Variants in ZP3 observed in about 807,000 individuals in gnomAD.
The protein encoded by ZP3 is zona pellucida glycoprotein 3, also known as zona pellucida sperm-binding protein 3.
ZP3 carries 21 observed loss-of-function variants against 35.6 expected under a neutral mutation model. That is an observed-to-expected ratio of 0.59 (90% CI 0.42 to 0.85). The LOEUF (loss-of-function observed/expected upper bound fraction) is 0.85. Ranked by LOEUF, ZP3 falls within the 40% of genes least tolerant of loss-of-function variation. The probability of loss-of-function intolerance (pLI) is 0.00; values close to 1 mark genes in which losing one functional copy is unlikely to be tolerated. For synonymous variants in ZP3, 207 were observed against 214.5 expected, an observed-to-expected ratio of 0.96 and a Z score of 0.31; for missense variants, 437 against 536.5, an observed-to-expected ratio of 0.81 and a Z score of 1.83.
upstream of ZP3, among the ~76,000 whole-genome samples, chr7:76,423,067 G>C (rs138053246): frequency 3.9e-3 from 560 of 143,452 alleles, 18 homozygotes; most frequent in Middle Eastern, 0.014. Flanking sequence ...AAGAAAGAAA[G>C]AAAGAAAGAA....
intron 1 of ZP3, among the ~76,000 whole-genome samples, chr7:76,427,283 G>A (rs1363970937): frequency 2.6e-5 from 4 of 152,120 alleles, no homozygotes; most frequent in South Asian, 2.1e-4. Context: ...TTGGGAGGCC[G>A]AGGCGGGTGA....
chr7:76,438,872 G>A (rs1305205787), intron 5 of ZP3, among the ~76,000 whole-genome samples: 3 of 122,996 alleles, frequency 2.4e-5, no homozygotes, highest in Admixed American at 9.1e-5. Context: ...AGTGGCTCAC[G>A]CCTGTAATCC....
intron 1 of ZP3, among the ~76,000 whole-genome samples, chr7:76,419,348 A>G (rs1343378530): frequency 6.6e-6 from 1 of 152,132 alleles, no homozygotes; most frequent in Admixed American, 6.6e-5. Context: ...TCTATCTAGA[A>G]TTCATTTTTA....
At chr7:76,398,968 A>G (rs564874173) in intron 1 of ZP3, among the ~76,000 whole-genome samples, 1 of 152,316 alleles carries the variant, frequency 6.6e-6, no homozygotes, top group South Asian at 2.1e-4. Flanking sequence ...GGTCCACACC[A>G]GAGTCCTGGA....
Position 76,414,057 on chromosome 7 carries a change from C to T in ZP3, c.-66-10995C>T, listed in dbSNP as rs1000484199. On this transcript the variant is annotated intron_variant, in intron 1 of 8. Coordinates refer to the ZP3 transcript ENST00000336517. ...TGTCACCCAGGCTGGAGTGCAGTGG[C>T]GTGATCTCAGCTCGCTGCAACCTCC... Among the ~76,000 whole-genome samples the T allele has an allele frequency of 3.4e-5, 5 of 148,178 alleles. No individual in the cohort carries two copies. The Admixed American group carries it at 3.4e-4, about 10-fold the overall frequency.
intron 1 of ZP3, among the ~76,000 whole-genome samples, chr7:76,399,976 G>A (rs1804762233): frequency 6.6e-6 from 1 of 152,256 alleles, no homozygotes; most frequent in Admixed American, 6.5e-5. Flanking sequence ...GGACCAAACA[G>A]TGAGACCTCA....
intron 1 of ZP3, among the ~76,000 whole-genome samples, chr7:76,413,998 CT>C (rs113488466): frequency 0.48 from 61,384 of 128,482 alleles, 13,547 homozygotes; most frequent in Middle Eastern, 0.55. Flanking sequence ...CCTTCTTCTT[CT>C]TTTTTTTTTT....
At position 76,398,894 on chromosome 7, in the gene ZP3, T is replaced by C. The variant is rs967529095; in HGVS notation, c.-67+1097T>C. The C allele has an allele frequency of 3.9e-6, 5 of 1,265,894 alleles. No individual in the cohort carries two copies. In the Admixed American group the frequency reaches 6.1e-5, roughly 15 times the overall value. 78.4% of individuals were successfully genotyped at this position (1,265,894 alleles called of 1,614,324 possible). On this transcript the variant is annotated intron_variant, in intron 1 of 8. Transcript: ENST00000336517. ...CAGGAGGATGGACCCATAAGGTGCT[T>C]GCCGCCAGAGCCTCTGGCCACACAA... is the stretch of plus-strand genomic sequence containing the variant.
chr7:76,436,048 T>TCCC lies in ZP3; in HGVS notation c.831+1893_831+1894insCCC, dbSNP rs1805995942. The stretch of plus-strand genomic sequence containing the variant: ...CCGCCCCCTTTTTTTTTTTTTTTTT[T>TCCC]TTTTTTTTTTTTTTTTTTTTTTTTT... On this transcript the variant is annotated intron_variant, in intron 5 of 7. Coordinates refer to ENST00000394857, the MANE Select transcript of ZP3 (RefSeq NM_001110354.2). Among the ~76,000 whole-genome samples, 377 of 43,070 alleles carry TCCC rather than the reference T, an allele frequency of 8.8e-3. 15 individuals are homozygous for TCCC. The highest frequency in any genetic ancestry group is 0.043 in the African/African-American group (333 of 7,824). 28.3% of individuals were successfully genotyped at this position (43,070 alleles called of 152,430 possible).
chr7:76,404,090 C>T (rs1804920206), intron 1 of ZP3, among the ~76,000 whole-genome samples: 1 of 152,142 alleles, frequency 6.6e-6, no homozygotes, highest in Non-Finnish European at 1.5e-5. Flanking sequence ...CCTAACTGCC[C>T]ATTCCATGGG....
In ZP3 at chr7:76,437,292, A is replaced by C. The variant is rs1198125114; in HGVS notation, c.832-2958A>C. ...CTTATTCAAGCCATTCTCCTGCCTCAGCCTCCCTAATAGTTGGAATTATAG... is the reference window on the plus strand; with the variant it reads ...CTTATTCAAGCCATTCTCCTGCCTCCGCCTCCCTAATAGTTGGAATTATAG... On this transcript the variant is annotated intron_variant, in intron 5 of 7. Coordinates refer to ENST00000394857, the MANE Select transcript of ZP3 (RefSeq NM_001110354.2). Among the ~76,000 whole-genome samples the C allele has an allele frequency of 3.4e-5, 5 of 148,392 alleles. No individual in the cohort carries two copies. In the Admixed American group the frequency reaches 3.5e-4, roughly 10 times the overall value.
intron 1 of ZP3, among the ~76,000 whole-genome samples, chr7:76,407,844 C>CT: frequency 6.6e-6 from 1 of 152,194 alleles, no homozygotes; most frequent in East Asian, 1.9e-4. Context: ...TTCTTGCAGA[C>CT]TTTTAGCAAG....
intron 1 of ZP3, chr7:76,397,828 C>T (rs1804691770): frequency 1.3e-6 from 2 of 1,570,438 alleles, no homozygotes; most frequent in Non-Finnish European, 1.7e-6. Flanking sequence ...GTACGCTGCC[C>T]TCACCTGGGG....
At chr7:76,405,310 TA>T (rs60048787) in intron 1 of ZP3, among the ~76,000 whole-genome samples, 11 of 66,448 alleles carry the variant, frequency 1.7e-4, no homozygotes, top group East Asian at 1.1e-3. Context: ...TATATATATA[TA>T]TATATGTATT....
chr7:76,405,153 G>C (rs538499461), intron 1 of ZP3, among the ~76,000 whole-genome samples: 64 of 143,490 alleles, frequency 4.5e-4, no homozygotes, highest in South Asian at 7.0e-4. Flanking sequence ...GGCCAGGCTG[G>C]AGTGTAATGG....
At chr7:76,441,717 C>T (rs1327300579) in intron 7 of ZP3, 125 bp from the exon 8 acceptor site, 15 of 1,212,652 alleles carry the variant, frequency 1.2e-5, no homozygotes, top group South Asian at 3.8e-5. Flanking sequence ...TGTCTAGAAA[C>T]TGTTTATTAG....
At chr7:76,408,351 C>T (rs1196535540) in intron 1 of ZP3, among the ~76,000 whole-genome samples, 1 of 152,114 alleles carries the variant, frequency 6.6e-6, no homozygotes, top group Non-Finnish European at 1.5e-5. Flanking sequence ...TCTGCCTGGA[C>T]TGGGGACAGC....
intron 1 of ZP3, among the ~76,000 whole-genome samples, chr7:76,410,880 A>G (rs1805223106): frequency 6.6e-6 from 1 of 151,568 alleles, no homozygotes; most frequent in African/African-American, 2.4e-5. Flanking sequence ...CTGTAATCCC[A>G]GCTACTCGAG....
At chr7:76,438,632 G>T (rs961470253) in intron 5 of ZP3, among the ~76,000 whole-genome samples, 2 of 146,884 alleles carry the variant, frequency 1.4e-5, no homozygotes, top group African/African-American at 5.3e-5. Flanking sequence ...CCCAGCAGGA[G>T]CTCATATTGG....
Sources: allele counts gnomAD v4.1 joint callset (sites outside exome capture counted in the v4.1 genomes callset), GRCh38; gene constraint gnomAD v4.1.1; transcripts MANE v1.5; gene names NCBI Gene and HGNC (gene_info 2026-07-23, HGNC 2026-07-21).